Variants in BRMS1L observed in about 807,000 individuals in gnomAD.
BRMS1L encodes BRMS1 like transcriptional repressor.
BRMS1L carries 23 observed loss-of-function variants against 50.3 expected under a neutral mutation model. The observed-to-expected ratio is 0.46, with a 90% confidence interval of 0.33 to 0.65. The LOEUF (loss-of-function observed/expected upper bound fraction) is 0.65. Ranked by LOEUF, BRMS1L falls within the 30% of genes least tolerant of loss-of-function variation. The pLI is 0.02. For missense variants in BRMS1L, 286 were observed against 386.1 expected, an observed-to-expected ratio of 0.74 and a Z score of 2.17; for synonymous variants, 114 against 126.9, an observed-to-expected ratio of 0.90 and a Z score of 0.69.
chr14:35,831,018 G>A (rs2077913319), intron 1 of BRMS1L, among the ~76,000 whole-genome samples: 1 of 147,690 alleles, frequency 6.8e-6, no homozygotes. Context: ...ATGGCTTACT[G>A]CAGCCTCCAA....
chr14:35,866,782 C>T (rs1282559843), intron 8 of BRMS1L, among the ~76,000 whole-genome samples: 25 of 152,300 alleles, frequency 1.6e-4, no homozygotes, highest in Admixed American at 1.6e-3. Flanking sequence ...GCAGTATTTG[C>T]CCTGGGGAAT....
intron 1 of BRMS1L, among the ~76,000 whole-genome samples, chr14:35,827,959 G>A (rs1032192308): frequency 6.6e-6 from 1 of 152,122 alleles, no homozygotes; most frequent in Non-Finnish European, 1.5e-5. Context: ...GAAAACCTTG[G>A]GAGAAGGAGT....
At position 35,863,911 on chromosome 14, in the gene BRMS1L, G is replaced by T; in HGVS notation, c.580G>T (p.Asp194Tyr). The change falls in exon 6 of 10, where the codon GAT becomes TAT. Residue 194 changes from aspartate (D) to tyrosine (Y), a missense_variant. By Grantham distance (160) the Asp-to-Tyr change is radical. This residue lies in a region of BRMS1L where 160 missense variants were observed against 240.6 expected (regional missense o/e 0.66). Coordinates refer to ENST00000216807, the MANE Select transcript of BRMS1L (RefSeq NM_032352.4). ...DELQSRKKRK[D>Y]PFSPDKKKPV... Reference sequence around the variant, plus strand: ...GCTTCAGTCAAGAAAAAAGAGGAAGGATCCTTTCAGTCCTGACAAAAAGAA... The same window carrying T: ...GCTTCAGTCAAGAAAAAAGAGGAAGTATCCTTTCAGTCCTGACAAAAAGAA... The T allele has an allele frequency of 6.2e-7, 1 of 1,613,982 alleles. No homozygotes were observed. Among genetic ancestry groups the T allele is most frequent in the South Asian group, 1.1e-5 (1 of 91,060 alleles).
chr14:35,844,365 G>A (rs1250337285), intron 4 of BRMS1L, among the ~76,000 whole-genome samples: 1 of 152,178 alleles, frequency 6.6e-6, no homozygotes, highest in Non-Finnish European at 1.5e-5. Context: ...AGACCATGGG[G>A]AAAGCGTAGT....
chr14:35,867,713 A>G (rs1254651128), intron 8 of BRMS1L, 193 bp from the exon 9 acceptor site: 1 of 371,908 alleles, frequency 2.7e-6, no homozygotes, highest in African/African-American at 2.1e-5. Context: ...TAGTAGTTAT[A>G]TTAAAAACTT....
chr14:35,871,865 T>C lies in BRMS1L; in HGVS notation c.*1388T>C, dbSNP rs2078495934. 1.3e-5 allele frequency: 2 copies of C among 152,652 alleles called. No individual in the cohort carries two copies. Among genetic ancestry groups the C allele is most frequent in the South Asian group, 2.1e-4 (1 of 4,832 alleles). 9.5% of individuals were successfully genotyped at this position (152,652 alleles called of 1,614,324 possible). On this transcript the variant is annotated 3_prime_UTR_variant, in exon 10 of 10. Transcript: ENST00000216807. Reference sequence around the variant, plus strand: ...TGTACATAATGTCAAAACCCAATAGTATTTGACAGTACTTATGTATACAAT... The same window carrying C: ...TGTACATAATGTCAAAACCCAATAGCATTTGACAGTACTTATGTATACAAT...
chr14:35,865,842 T>C (rs1052560525), intron 8 of BRMS1L, 81 bp downstream of exon 8: 22 of 1,226,486 alleles, frequency 1.8e-5, no homozygotes, highest in Non-Finnish European at 2.6e-5. Context: ...ACTAAAGAAC[T>C]CTTGAATCAG....
intron 5 of BRMS1L, 101 bp from the exon 6 acceptor site, chr14:35,863,769 C>T: frequency 4.8e-6 from 5 of 1,037,354 alleles, no homozygotes; most frequent in Non-Finnish European, 5.8e-6. Context: ...AAGTTTTTTA[C>T]GTTTTTACAT....
intron 4 of BRMS1L, chr14:35,858,735 C>G (rs946409065): frequency 1.3e-5 from 2 of 151,896 alleles, no homozygotes; most frequent in African/African-American, 4.8e-5. Context: ...CGCAGGCTGG[C>G]AAGTTGTTGC....
chr14:35,828,204 G>A (rs1397050956), intron 1 of BRMS1L, among the ~76,000 whole-genome samples: 4 of 151,752 alleles, frequency 2.6e-5, no homozygotes, highest in South Asian at 4.2e-4. Flanking sequence ...ATGGAGTCTC[G>A]CTCTGTTGCC....
intron 4 of BRMS1L, among the ~76,000 whole-genome samples, chr14:35,839,462 A>C (rs1176202761): frequency 6.6e-6 from 1 of 152,238 alleles, no homozygotes; most frequent in Non-Finnish European, 1.5e-5. Context: ...TACTTTGGAC[A>C]CAATGGCCAT....
At chr14:35,859,952 G>C (rs1290191016) in intron 4 of BRMS1L, among the ~76,000 whole-genome samples, 1 of 152,036 alleles carries the variant, frequency 6.6e-6, no homozygotes, top group African/African-American at 2.4e-5. Flanking sequence ...TGCCTGACCA[G>C]ATGAACTGTT....
chr14:35,840,827 G>GT (rs1213487730), intron 4 of BRMS1L, among the ~76,000 whole-genome samples: 2 of 151,782 alleles, frequency 1.3e-5, no homozygotes, highest in Non-Finnish European at 1.5e-5. Context: ...TTTTTGAAGG[G>GT]TTTTTTTGAG....
chr14:35,855,092 T>C (rs2078263679), intron 4 of BRMS1L, among the ~76,000 whole-genome samples: 1 of 152,238 alleles, frequency 6.6e-6, no homozygotes, highest in Non-Finnish European at 1.5e-5. Flanking sequence ...CAGTTCCCTA[T>C]TCTGCTTAGA....
chr14:35,844,506 G>C (rs1303271488), intron 4 of BRMS1L, among the ~76,000 whole-genome samples: 3 of 152,306 alleles, frequency 2.0e-5, no homozygotes, highest in Non-Finnish European at 4.4e-5. Context: ...CTCGCCCTCT[G>C]TGGGCTGTAC....
At chr14:35,828,433 A>T (rs1350390346) in intron 1 of BRMS1L, among the ~76,000 whole-genome samples, 1 of 143,120 alleles carries the variant, frequency 7.0e-6, no homozygotes, top group Non-Finnish European at 1.5e-5. Context: ...CAACCTCCCA[A>T]TGTGCTGGGA....
intron 7 of BRMS1L, among the ~76,000 whole-genome samples, chr14:35,865,425 T>TCTTGC (rs1417682514): frequency 6.6e-6 from 1 of 152,194 alleles, no homozygotes; most frequent in Non-Finnish European, 1.5e-5. Context: ...GCTTTTCTTT[T>TCTTGC]CTTGCCTGAA....
intron 4 of BRMS1L, among the ~76,000 whole-genome samples, chr14:35,843,546 C>G (rs929350762): frequency 2.6e-5 from 4 of 152,232 alleles, no homozygotes; most frequent in Non-Finnish European, 4.4e-5. Flanking sequence ...CCTGTTCCTT[C>G]CTCTGGAAGC....
intron 7 of BRMS1L, 101 bp downstream of exon 7, chr14:35,865,100 G>A: frequency 1.1e-6 from 1 of 876,072 alleles, no homozygotes; most frequent in Non-Finnish European, 1.7e-6. Flanking sequence ...TTGTAAATAT[G>A]CTTTGCTTTT....
Sources: gnomAD v4.1 joint callset for allele counts (sites outside exome capture counted in the v4.1 genomes callset) on GRCh38, gnomAD v4.1.1 for gene constraint, gnomAD v4.1.1 regional missense constraint, MANE v1.5 for transcripts, NCBI Gene and HGNC (gene_info 2026-07-23, HGNC 2026-07-21) for gene names.